The following SPTBN5 variants were observed in gnomAD, a reference collection of about 807,000 sequenced individuals.
The protein encoded by SPTBN5 is spectrin beta, non-erythrocytic 5.
In SPTBN5, 513 loss-of-function variants were observed where a neutral mutation model predicts 477.6. The observed-to-expected ratio is 1.07, with a 90% confidence interval of 1.00 to 1.16. The LOEUF is 1.16. Ranked by LOEUF, SPTBN5 falls within the 50% of genes most tolerant of loss-of-function variation. SPTBN5 has a pLI of 0.00. For synonymous variants in SPTBN5, 2,169 were observed against 2,011.7 expected, an observed-to-expected ratio of 1.08 and a Z score of -2.09; for missense variants, 5,062 against 4,731.8, an observed-to-expected ratio of 1.07 and a Z score of -2.05.
chr15:41,862,658 G>A lies in SPTBN5; in HGVS notation c.7266C>T (p.Ser2422=), dbSNP rs2066153892. ...AGAGGCGGCCCACTTCACGCTCTAGGGACTGCGGGGGAAGCCGGGGTCAGA... is the reference window on the plus strand; with the variant it reads ...AGAGGCGGCCCACTTCACGCTCTAGAGACTGCGGGGGAAGCCGGGGTCAGA... ...EVHPIQAQVE[S]LEREVGRLCQ... The change falls in exon 43 of 68, where the codon TCC becomes TCT. Residue 2422 remains serine, a splice_region_variant and synonymous_variant. Transcript: ENST00000320955. The A allele has an allele frequency of 1.9e-6, 3 of 1,550,958 alleles. No homozygotes were observed. Among genetic ancestry groups the A allele is most frequent in the Non-Finnish European group, 1.7e-6 (2 of 1,151,726 alleles).
chr15:41,855,511 C>T (rs2065906882), intron 54 of SPTBN5, 38 bp downstream of exon 54: 1 of 1,600,824 alleles, frequency 6.2e-7, no homozygotes, highest in Non-Finnish European at 8.5e-7. Context: ...TAGGGGGCTT[C>T]TCTCTGCTCC....
At chr15:41,891,100 G>A (rs1010750465) in intron 3 of SPTBN5, among the ~76,000 whole-genome samples, 2 of 152,184 alleles carry the variant, frequency 1.3e-5, no homozygotes. Flanking sequence ...ATTTAACACA[G>A]AAACTTAAGG....
rs753565792 is a variant in SPTBN5 at position 41,856,605 on chromosome 15, G to T, written c.8809-7C>A. 3.8e-6 allele frequency: 6 copies of T among 1,572,030 alleles called. No individual in the cohort carries two copies. In the Admixed American group the frequency reaches 7.1e-5, roughly 19 times the overall value. On this transcript the variant is annotated splice_polypyrimidine_tract_variant and splice_region_variant and intron_variant, in intron 52 of 67. Transcript: ENST00000320955. ...TCATCTCACTCTCCAGGTTCTGCGG[G>T]GGAGGAGGCAGGAGGATGCGGATGT...
In SPTBN5 at chr15:41,855,179, C is replaced by T. The variant is rs551721771; in HGVS notation, c.9423+45G>A. On this transcript the variant is annotated intron_variant, in intron 55 of 67. Transcript: ENST00000320955. ...CTTTCATCCCAGGGCAGGCCTTCCTCAGCCTCTGCCCACTCCCCGTGAGGT... is the reference window on the plus strand; with the variant it reads ...CTTTCATCCCAGGGCAGGCCTTCCTTAGCCTCTGCCCACTCCCCGTGAGGT... 5.7e-6 allele frequency: 9 copies of T among 1,568,548 alleles called. No individual in the cohort carries two copies. The Admixed American group carries it at 6.9e-5, about 12-fold the overall frequency.
At chr15:41,873,810 G>A (rs1425423237) in intron 25 of SPTBN5, 35 bp downstream of exon 25, 3 of 1,604,170 alleles carry the variant, frequency 1.9e-6, no homozygotes, top group Admixed American at 1.7e-5. Flanking sequence ...CCTGACTTCT[G>A]CCTCTTCCCC....
chr15:41,866,971 C>T lies in SPTBN5; in HGVS notation c.6468G>A (p.Gln2156=). ...HASLLMASFT[Q]AATQAEDWIQ... is the part of the protein sequence containing the mutation. ...GGTGCCCTCTGACCTGGGTTGCGGC[C>T]TGGGTGAAGCTGGCCATCAGCAGGG... Residue 2156 remains glutamine (Q), a synonymous_variant, in exon 36 of 68, where the codon CAG becomes CAA. Transcript: ENST00000320955. 1 of 1,573,350 alleles carries T rather than the reference C, an allele frequency of 6.4e-7. No homozygotes were observed. Among genetic ancestry groups the T allele is most frequent in the Non-Finnish European group, 8.6e-7 (1 of 1,159,902 alleles).
intron 44 of SPTBN5, 60 bp from the exon 45 acceptor site, chr15:41,861,983 AG>A (rs1206303621): frequency 6.4e-7 from 1 of 1,552,696 alleles, no homozygotes; most frequent in Non-Finnish European, 8.6e-7. Flanking sequence ...GGCAGGAGAG[AG>A]GTGGGGAAGC....
In SPTBN5 at chr15:41,858,726, T is replaced by C. The variant is rs1748762495; in HGVS notation, c.8102A>G (p.Lys2701Arg). 6.2e-7 allele frequency: 1 copy of C among 1,609,896 alleles called. No individual in the cohort carries two copies. Among genetic ancestry groups the C allele is most frequent in the Admixed American group, 1.7e-5 (1 of 59,630 alleles). The change falls in exon 49 of 68, where the codon AAG becomes AGG. Residue 2701 changes from lysine (K) to arginine (R), a missense_variant. By Grantham distance (26) the Lys-to-Arg change is conservative. Transcript: ENST00000320955. ...SQEVAAWLRE[K>R]NLVALEEGLL... The stretch of plus-strand genomic sequence containing the variant: ...ACCCTCCTCCAAGGCCACCAGGTTC[T>C]TCTCCCTCAGCCACGCAGCCACCTG...
In SPTBN5 at chr15:41,855,598, G is replaced by A. The variant is rs777870760; in HGVS notation, c.9169C>T (p.Arg3057Trp). The A allele has an allele frequency of 3.4e-5, 54 of 1,611,570 alleles. No individual in the cohort carries two copies. Among genetic ancestry groups the A allele is most frequent in the East Asian group, 4.5e-5 (2 of 44,886 alleles). Residue 3057 changes from arginine to tryptophan, a missense_variant, in exon 54 of 68, where the codon CGG becomes TGG. Arg to Trp is a moderately radical substitution (Grantham distance 101). Transcript: ENST00000320955. ...DLEAFSPRIERLQQTAALLES... is the reference protein window; with the variant it reads ...DLEAFSPRIEWLQQTAALLES... ...AGGAGTGCTGCTGTCTGCTGCAGCC[G>A]CTCGATGCGTGGGCTGAACGCTTCC...
In SPTBN5 at chr15:41,882,566, G is replaced by GCGCT. The variant is rs1196526597; in HGVS notation, c.2046+15_2046+18dup. 6.3e-7 allele frequency: 1 copy of GCGCT among 1,585,288 alleles called. No homozygotes were observed. Among genetic ancestry groups the GCGCT allele is most frequent in the African/African-American group, 1.3e-5 (1 of 74,496 alleles). ...GGCAAGGCGCTGGCGACCGGCGGGCGCGCTCGGGGAGCTGACACCTTGTGT... is the reference window on the plus strand; with the variant it reads ...GGCAAGGCGCTGGCGACCGGCGGGCGCGCTCGCTCGGGGAGCTGACACCTTGTGT... On this transcript the variant is annotated intron_variant, in intron 10 of 67. Transcript: ENST00000320955.
chr15:41,858,501 A>G, intron 49 of SPTBN5, 101 bp downstream of exon 49: 2 of 1,398,614 alleles, frequency 1.4e-6, no homozygotes, highest in South Asian at 2.9e-5. Flanking sequence ...GTACTGGATA[A>G]CGCTGGCCAC....
chr15:41,891,337 T>TC (rs2067306348), intron 3 of SPTBN5, among the ~76,000 whole-genome samples: 3 of 152,146 alleles, frequency 2.0e-5, no homozygotes, highest in Admixed American at 6.5e-5. Flanking sequence ...ATCCTGGGTG[T>TC]CCCCCTAGGT....
rs762182074 is a variant in SPTBN5 at position 41,858,890 on chromosome 15, C to T, written c.8079G>A (p.Glu2693=). 14 of 1,583,356 alleles carry T rather than the reference C, an allele frequency of 8.8e-6. No individual in the cohort carries two copies. The highest frequency in any genetic ancestry group is 1.2e-5 in the Non-Finnish European group (14 of 1,162,194). ...QLQAFLQDSQ[E]VAAWLREKNL... ...GCCTCCCTCTCCAAGCGAGGCGAAC[C>T]TCCTGGGAGTCCTGCAGGAAGGCCT... is the stretch of plus-strand genomic sequence containing the variant. The change falls in exon 48 of 68, where the codon GAG becomes GAA. Residue 2693 remains glutamate (E), a splice_region_variant and synonymous_variant. Coordinates refer to ENST00000320955, the MANE Select transcript of SPTBN5 (RefSeq NM_016642.4).
intron 59 of SPTBN5, 66 bp downstream of exon 59, chr15:41,853,192 C>T (rs1595441584): frequency 6.5e-7 from 1 of 1,533,252 alleles, no homozygotes; most frequent in East Asian, 2.3e-5. Context: ...TGTGAGGGGC[C>T]CTGAGGCCCT....
At chr15:41,866,274 C>T (rs2066307007) in intron 37 of SPTBN5, 45 bp from the exon 38 acceptor site, 1 of 1,571,770 alleles carries the variant, frequency 6.4e-7, no homozygotes, top group South Asian at 1.2e-5. Context: ...TGCTGCACTT[C>T]CTCCTAAGAC....
chr15:41,874,517 G>C (rs368545292), intron 23 of SPTBN5, 39 bp from the exon 24 acceptor site: 270 of 1,514,338 alleles, frequency 1.8e-4, no homozygotes, highest in Non-Finnish European at 2.3e-4. Context: ...GTTGGGAACA[G>C]AGTGAGCACA....
rs761262339 is a variant in SPTBN5 at position 41,852,892 on chromosome 15, G to C, written c.10279C>G (p.Gln3427Glu). 6.2e-7 allele frequency: 1 copy of C among 1,608,096 alleles called. No individual in the cohort carries two copies. The highest frequency in any genetic ancestry group is 8.5e-7 in the Non-Finnish European group (1 of 1,176,906). The change falls in exon 60 of 68, where the codon CAG (glutamine) becomes GAG (glutamate). Residue 3427 changes from glutamine to glutamate, a missense_variant. Coordinates refer to ENST00000320955, the MANE Select transcript of SPTBN5 (RefSeq NM_016642.4). ...CAGGCCTCAGCCTGCTCCAGCCTCT[G>C]CCGAAGCTTCTGCAGGCCCCAGCTC... is the stretch of plus-strand genomic sequence containing the variant. ...AESWGLQKLR[Q>E]RLEQAEAWLA...
At chr15:41,874,077 C>CT in intron 24 of SPTBN5, 32 bp from the exon 25 acceptor site, 1 of 1,563,112 alleles carries the variant, frequency 6.4e-7, no homozygotes, top group Non-Finnish European at 8.6e-7. Context: ...GGCTGCTGCT[C>CT]TTAACCCAGG....
intron 33 of SPTBN5, 60 bp downstream of exon 33, chr15:41,868,338 G>C: frequency 6.4e-7 from 1 of 1,568,958 alleles, no homozygotes; most frequent in Non-Finnish European, 8.6e-7. Context: ...GGGGCACCAG[G>C]TGGCCAGGCA....
Sources: allele counts gnomAD v4.1 joint callset (sites outside exome capture counted in the v4.1 genomes callset), GRCh38; gene constraint gnomAD v4.1.1; transcripts MANE v1.5; gene names NCBI Gene and HGNC (gene_info 2026-07-23, HGNC 2026-07-21).